NTM: variants seen among roughly 807,000 people sequenced by gnomAD.
NTM encodes neurotrimin, also known as IgLON family member 2.
NTM carries 13 observed loss-of-function variants against 42.1 expected under a neutral mutation model. That is an observed-to-expected ratio of 0.31 (90% CI 0.20 to 0.49). The LOEUF (loss-of-function observed/expected upper bound fraction) is 0.49, where lower values mean the gene tolerates loss of function less well. NTM is among the 20% of genes least tolerant of loss of function. The probability of loss-of-function intolerance (pLI) is 0.99; values close to 1 mark genes in which losing one functional copy is unlikely to be tolerated. For missense variants in NTM, 373 were observed against 452.8 expected, an observed-to-expected ratio of 0.82 and a Z score of 1.60; for synonymous variants, 187 against 179.2, an observed-to-expected ratio of 1.04 and a Z score of -0.35.
intron 1 of NTM, among the ~76,000 whole-genome samples, chr11:131,891,960 C>G (rs556770966): frequency 3.9e-5 from 6 of 152,330 alleles, no homozygotes; most frequent in African/African-American, 1.4e-4. Flanking sequence ...AAATGAGCCA[C>G]AGCCTAGGGA....
At chr11:132,006,529 T>G (rs1445019799) in intron 2 of NTM, among the ~76,000 whole-genome samples, 2 of 152,224 alleles carry the variant, frequency 1.3e-5, no homozygotes, top group African/African-American at 4.8e-5. Context: ...TCTGCAGGAC[T>G]GGGAACTTCA....
intron 1 of NTM, among the ~76,000 whole-genome samples, chr11:131,833,397 T>C (rs1163778352): frequency 6.6e-6 from 1 of 152,192 alleles, no homozygotes; most frequent in African/African-American, 2.4e-5. Context: ...ACCCCCAGCA[T>C]ACACCATGAA....
At chr11:131,821,512 A>G (rs2093187062) in intron 1 of NTM, among the ~76,000 whole-genome samples, 1 of 152,240 alleles carries the variant, frequency 6.6e-6, no homozygotes, top group South Asian at 2.1e-4. Context: ...TTTGTGGACC[A>G]CAATCAAATA....
intron 2 of NTM, among the ~76,000 whole-genome samples, chr11:131,949,616 G>A (rs546238952): frequency 7.9e-5 from 12 of 152,158 alleles, no homozygotes; most frequent in African/African-American, 2.9e-4. Flanking sequence ...GGTCCACCTT[G>A]AGTACTGGCC....
chr11:132,317,905 G>A (rs2095472596), intron 7 of NTM, among the ~76,000 whole-genome samples: 1 of 152,100 alleles, frequency 6.6e-6, no homozygotes, highest in Non-Finnish European at 1.5e-5. Context: ...GGGCTGGGAA[G>A]GGGAAAGAAA....
chr11:131,647,076 C>T (rs1220173436), intron 1 of NTM, among the ~76,000 whole-genome samples: 4 of 152,316 alleles, frequency 2.6e-5, no homozygotes, highest in East Asian at 3.9e-4. Context: ...GGCTGTGCCA[C>T]CTGATAACTC....
chr11:131,711,373 T>G (rs541654121), intron 1 of NTM, among the ~76,000 whole-genome samples: 1 of 151,990 alleles, frequency 6.6e-6, no homozygotes, highest in Non-Finnish European at 1.5e-5. Flanking sequence ...AAAAAACACA[T>G]GAAAAAATGC....
At chr11:131,750,283 C>T (rs1203298877) in intron 1 of NTM, among the ~76,000 whole-genome samples, 2 of 152,224 alleles carry the variant, frequency 1.3e-5, no homozygotes, top group Admixed American at 1.3e-4. Flanking sequence ...CTGGATCCTC[C>T]TTGGTGTCTC....
intron 3 of NTM, among the ~76,000 whole-genome samples, chr11:132,176,862 G>A (rs1052835424): frequency 9.3e-5 from 14 of 150,672 alleles, no homozygotes; most frequent in Admixed American, 4.0e-4. Flanking sequence ...CCAAGTAGCC[G>A]GGATTACAGG....
intron 1 of NTM, among the ~76,000 whole-genome samples, chr11:131,458,380 C>T (rs1206747786): frequency 1.3e-5 from 2 of 152,158 alleles, no homozygotes; most frequent in Non-Finnish European, 2.9e-5. Flanking sequence ...AGGGGAAAGC[C>T]CATAGTCGAA....
intron 1 of NTM, among the ~76,000 whole-genome samples, chr11:131,516,603 C>T (rs755442811): frequency 6.6e-6 from 1 of 152,168 alleles, no homozygotes; most frequent in African/African-American, 2.4e-5. Context: ...AACTCCTGAC[C>T]TCAGGTAATC....
At chr11:132,029,610 A>G (rs1399588558) in intron 2 of NTM, among the ~76,000 whole-genome samples, 2 of 152,124 alleles carry the variant, frequency 1.3e-5, no homozygotes, top group Non-Finnish European at 2.9e-5. Context: ...TGTTTGCTCC[A>G]ATAATTATCA....
intron 1 of NTM, among the ~76,000 whole-genome samples, chr11:131,884,806 C>T (rs991780888): frequency 5.3e-5 from 8 of 152,138 alleles, no homozygotes; most frequent in Admixed American, 1.3e-4. Flanking sequence ...CACTTCTGTA[C>T]GGGGAAAGAA....
chr11:132,006,233 AC>A (rs2070749348), intron 2 of NTM, among the ~76,000 whole-genome samples: 1 of 152,132 alleles, frequency 6.6e-6, no homozygotes, highest in South Asian at 2.1e-4. Flanking sequence ...GAGACCTAGC[AC>A]CCGCATCTCT....
chr11:131,799,690 G>A lies in NTM; in HGVS notation c.83-111874G>A, dbSNP rs141889117. Among the ~76,000 whole-genome samples, 263 of 152,276 alleles carry A rather than the reference G, an allele frequency of 1.7e-3. 2 individuals carry two copies. Among genetic ancestry groups the A allele is most frequent in the Middle Eastern group, 6.8e-3 (2 of 294 alleles). ...AGTGATAGCTGATCCAAGCAGTAATGTCAAGTAGACTGTCTTCCCCAGGAG... is the reference window on the plus strand; with the variant it reads ...AGTGATAGCTGATCCAAGCAGTAATATCAAGTAGACTGTCTTCCCCAGGAG... On this transcript the variant is annotated intron_variant, in intron 1 of 8. Transcript: ENST00000683400.
intron 1 of NTM, among the ~76,000 whole-genome samples, chr11:131,875,015 G>A (rs1789143): frequency 5.3e-5 from 8 of 152,290 alleles, no homozygotes; most frequent in African/African-American, 1.7e-4. Flanking sequence ...GGCAGCAGCC[G>A]GCCAAAGGCA....
In NTM at chr11:132,310,097, A is replaced by G; in HGVS notation, c.662-15A>G. The G allele has an allele frequency of 6.4e-7, 1 of 1,568,478 alleles. No homozygotes were observed. The highest frequency in any genetic ancestry group is 1.9e-4 in the Middle Eastern group (1 of 5,284). On this transcript the variant is annotated splice_polypyrimidine_tract_variant and intron_variant, in intron 5 of 8. Coordinates refer to ENST00000683400, the MANE Select transcript of NTM (RefSeq NM_001352005.2). Reference sequence around the variant, plus strand: ...AAAGGTGGGGGGGCGGCTATGAGACATCTTCTTTTTGCAGATCCACCATAC... The same window carrying G: ...AAAGGTGGGGGGGCGGCTATGAGACGTCTTCTTTTTGCAGATCCACCATAC...
chr11:131,720,950 A>AATT (rs964522518), intron 1 of NTM, among the ~76,000 whole-genome samples: 1 of 152,098 alleles, frequency 6.6e-6, no homozygotes, highest in African/African-American at 2.4e-5. Context: ...ATAAATACTA[A>AATT]ATTATTATTA....
intron 1 of NTM, among the ~76,000 whole-genome samples, chr11:131,420,784 C>A (rs1947422420): frequency 6.6e-6 from 1 of 152,106 alleles, no homozygotes; most frequent in Admixed American, 6.5e-5. Flanking sequence ...TGTTTTATTT[C>A]TTTTTCATTT....
Sources: allele counts gnomAD v4.1 joint callset (sites outside exome capture counted in the v4.1 genomes callset), GRCh38; gene constraint gnomAD v4.1.1; transcripts MANE v1.5; gene names NCBI Gene and HGNC (gene_info 2026-07-23, HGNC 2026-07-21).